The following CNTNAP2 variants were observed in gnomAD, a reference collection of about 807,000 sequenced individuals.
CNTNAP2 encodes contactin-associated protein-like 2.
In CNTNAP2, 98 loss-of-function variants were observed where a neutral mutation model predicts 155.2. The observed-to-expected ratio is 0.63, with a 90% CI of 0.54 to 0.75. The LOEUF (loss-of-function observed/expected upper bound fraction) is 0.75. CNTNAP2 is among the 30% of genes least tolerant of loss of function. CNTNAP2 has a pLI of 0.00. For missense variants in CNTNAP2, 1,727 were observed against 1,688.1 expected, an observed-to-expected ratio of 1.02 and a Z score of -0.40; for synonymous variants, 651 against 631.2, an observed-to-expected ratio of 1.03 and a Z score of -0.47.
chr7:148,153,504 C>T (rs1175162327), intron 17 of CNTNAP2, among the ~76,000 whole-genome samples: 1 of 152,186 alleles, frequency 6.6e-6, no homozygotes, highest in African/African-American at 2.4e-5. Context: ...ATATGACGAG[C>T]TCCCTGGATG....
At chr7:146,936,960 A>G (rs190631450) in intron 3 of CNTNAP2, among the ~76,000 whole-genome samples, 9 of 152,338 alleles carry the variant, frequency 5.9e-5, no homozygotes, top group Admixed American at 2.0e-4. Flanking sequence ...TTAAAATAAA[A>G]TAAAATGTGT....
At chr7:147,007,388 C>T (rs181322580) in intron 3 of CNTNAP2, among the ~76,000 whole-genome samples, 1 of 152,136 alleles carries the variant, frequency 6.6e-6, no homozygotes, top group East Asian at 1.9e-4. Context: ...TTCTTTCCTG[C>T]TATCTGTCTG....
At chr7:146,632,865 G>T (rs183177440) in intron 1 of CNTNAP2, among the ~76,000 whole-genome samples, 1 of 151,702 alleles carries the variant, frequency 6.6e-6, no homozygotes, top group African/African-American at 2.4e-5. Flanking sequence ...TTGCTTCCAT[G>T]AATTAGCAAT....
At chr7:146,161,124 GA>G in intron 1 of CNTNAP2, among the ~76,000 whole-genome samples, 1 of 152,304 alleles carries the variant, frequency 6.6e-6, no homozygotes, top group East Asian at 1.9e-4. Flanking sequence ...AATAGATGCA[GA>G]AAAGGCCTTT....
At chr7:146,515,386 A>G (rs1416672069) in intron 1 of CNTNAP2, among the ~76,000 whole-genome samples, 1 of 152,132 alleles carries the variant, frequency 6.6e-6, no homozygotes, top group Admixed American at 6.6e-5. Flanking sequence ...GGCATCATGC[A>G]TACAGAAATG....
At chr7:147,153,798 A>G (rs1801871902) in intron 8 of CNTNAP2, among the ~76,000 whole-genome samples, 1 of 152,160 alleles carries the variant, frequency 6.6e-6, no homozygotes, top group African/African-American at 2.4e-5. Flanking sequence ...TCACATTGTA[A>G]AAGGTCATTC....
chr7:148,114,848 G>T (rs371784193), intron 15 of CNTNAP2, among the ~76,000 whole-genome samples: 41 of 152,160 alleles, frequency 2.7e-4, no homozygotes, highest in African/African-American at 9.9e-4. Flanking sequence ...ATAAGTAAAA[G>T]CAGAAGTTCT....
At chr7:148,206,865 C>T (rs775169741) in intron 18 of CNTNAP2, among the ~76,000 whole-genome samples, 1 of 152,134 alleles carries the variant, frequency 6.6e-6, no homozygotes, top group Non-Finnish European at 1.5e-5. Flanking sequence ...ACTGTAGATT[C>T]CTATTATTTT....
At chr7:146,680,595 T>A (rs552641108) in intron 1 of CNTNAP2, among the ~76,000 whole-genome samples, 1 of 152,352 alleles carries the variant, frequency 6.6e-6, no homozygotes, top group South Asian at 2.1e-4. Flanking sequence ...AGTTCATTTA[T>A]GAAAAAATAC....
At chr7:146,685,710 G>A (rs894194082) in intron 1 of CNTNAP2, among the ~76,000 whole-genome samples, 2 of 150,350 alleles carry the variant, frequency 1.3e-5, no homozygotes, top group Non-Finnish European at 2.9e-5. Context: ...GGTTTAAAAA[G>A]GTTTCTAGGT....
chr7:146,220,137 G>T, intron 1 of CNTNAP2, among the ~76,000 whole-genome samples: 1 of 152,030 alleles, frequency 6.6e-6, no homozygotes, highest in East Asian at 1.9e-4. Flanking sequence ...CTTAATTACC[G>T]TTGATATATT....
intron 2 of CNTNAP2, among the ~76,000 whole-genome samples, chr7:146,776,698 A>T (rs1442785115): frequency 6.6e-6 from 1 of 152,194 alleles, no homozygotes; most frequent in Non-Finnish European, 1.5e-5. Flanking sequence ...AATGGGAATT[A>T]ACATCTTTTA....
At chr7:148,191,979 T>C (rs1795207462) in intron 18 of CNTNAP2, among the ~76,000 whole-genome samples, 1 of 152,166 alleles carries the variant, frequency 6.6e-6, no homozygotes, top group South Asian at 2.1e-4. Context: ...TTACAACATA[T>C]ATGATCAAGA....
chr7:146,146,724 C>CAAAA (rs1797963160), intron 1 of CNTNAP2, among the ~76,000 whole-genome samples: 1 of 152,048 alleles, frequency 6.6e-6, no homozygotes, highest in African/African-American at 2.4e-5. Context: ...GGGCAAATGC[C>CAAAA]TTAAACATTT....
chr7:147,187,584 T>C (rs914756135), intron 8 of CNTNAP2, among the ~76,000 whole-genome samples: 6 of 151,956 alleles, frequency 3.9e-5, no homozygotes, highest in Non-Finnish European at 8.8e-5. Context: ...ATGGGAGCAA[T>C]AGACCCTGGG....
intron 9 of CNTNAP2, among the ~76,000 whole-genome samples, chr7:147,390,051 A>G (rs904735763): frequency 2.0e-5 from 3 of 152,148 alleles, no homozygotes; most frequent in Non-Finnish European, 2.9e-5. Context: ...ACACTAATAC[A>G]CTAGTATTTT....
At chr7:148,285,196 T>C (rs991737676) in intron 21 of CNTNAP2, among the ~76,000 whole-genome samples, 1 of 152,244 alleles carries the variant, frequency 6.6e-6, no homozygotes, top group Non-Finnish European at 1.5e-5. Flanking sequence ...TAAGACAGAC[T>C]CTGTGGTCTA....
chr7:146,760,545 C>T (rs922827083), intron 1 of CNTNAP2, among the ~76,000 whole-genome samples: 12 of 149,394 alleles, frequency 8.0e-5, no homozygotes, highest in African/African-American at 3.0e-4. Context: ...CCACCTTAGC[C>T]TCCTAAGTAG....
chr7:146,748,567 A>T (rs2129182166), intron 1 of CNTNAP2, among the ~76,000 whole-genome samples: 1 of 152,328 alleles, frequency 6.6e-6, no homozygotes, highest in African/African-American at 2.4e-5. Flanking sequence ...GACAAAGTTG[A>T]AAGTTCACTA....
Sources: allele counts gnomAD v4.1 joint callset (sites outside exome capture counted in the v4.1 genomes callset), GRCh38; gene constraint gnomAD v4.1.1; transcripts MANE v1.5; gene names NCBI Gene and HGNC (gene_info 2026-07-23, HGNC 2026-07-21).